MSR1: variants seen among roughly 807,000 people sequenced by gnomAD.
The protein encoded by MSR1 is macrophage scavenger receptor 1.
Under a neutral mutation model 47.2 loss-of-function variants are expected in MSR1, and 53 were observed. The ratio of observed to expected loss-of-function variants is 1.12; its 90% CI spans 0.90 to 1.41. The LOEUF (loss-of-function observed/expected upper bound fraction) is 1.41. MSR1 is among the 40% of genes most tolerant of loss of function. The pLI, the probability that MSR1 is intolerant of heterozygous loss-of-function variation, is 0.00. For synonymous variants in MSR1, 239 were observed against 185.6 expected, an observed-to-expected ratio of 1.29 and a Z score of -2.34; for missense variants, 786 against 546.9, an observed-to-expected ratio of 1.44 and a Z score of -4.36.
intron 9 of MSR1, among the ~76,000 whole-genome samples, chr8:16,113,421 G>A (rs951568167): frequency 6.6e-6 from 1 of 152,060 alleles, no homozygotes; most frequent in African/African-American, 2.4e-5. Context: ...AGATAAATGG[G>A]AGAGCAAATA....
chr8:16,140,420 C>G lies in MSR1; in HGVS notation c.1033+3138G>C, dbSNP rs989922989. On this transcript the variant is annotated intron_variant, in intron 8 of 9. Coordinates refer to ENST00000262101, the MANE Select transcript of MSR1 (RefSeq NM_138715.3). The stretch of plus-strand genomic sequence containing the variant: ...TGAAAAACAAATGGATTTTTCCTAT[C>G]ATTGTATGAGTTTTAGATGGGATAC... The G allele has an allele frequency of 2.5e-5, 25 of 985,464 alleles. No homozygotes were observed. The African/African-American group carries it at 3.7e-4, about 14-fold the overall frequency. The allele number at this position is 985,464 out of a possible 1,614,324, so 61.0% of individuals were successfully genotyped here. A position where few individuals can be genotyped will look rare whatever the true frequency, so the allele number is the denominator to read the frequency against.
chr8:16,190,916 T>A (rs1585206447), intron 1 of MSR1, among the ~76,000 whole-genome samples: 1 of 152,046 alleles, frequency 6.6e-6, no homozygotes, highest in African/African-American at 2.4e-5. Flanking sequence ...AGACAGGGTT[T>A]CTCCATGTTG....
chr8:16,124,990 A>G (rs1163954976), intron 8 of MSR1, among the ~76,000 whole-genome samples: 3 of 152,166 alleles, frequency 2.0e-5, no homozygotes, highest in Non-Finnish European at 4.4e-5. Flanking sequence ...CAGAAAAATC[A>G]TGAAGGAAAG....
chr8:16,183,577 G>T (rs1801901431), intron 1 of MSR1, among the ~76,000 whole-genome samples: 1 of 140,020 alleles, frequency 7.1e-6, no homozygotes, highest in Non-Finnish European at 1.5e-5. Context: ...TTTATATTAT[G>T]TTAATATATT....
At chr8:16,183,529 T>G (rs1801899016) in intron 1 of MSR1, among the ~76,000 whole-genome samples, 1 of 146,190 alleles carries the variant, frequency 6.8e-6, no homozygotes, top group South Asian at 2.1e-4. Flanking sequence ...ATCTATAACA[T>G]GTAATACATA....
intron 8 of MSR1, among the ~76,000 whole-genome samples, chr8:16,125,539 A>T (rs1236305421): frequency 6.6e-6 from 1 of 152,072 alleles, no homozygotes. Flanking sequence ...CTTATGTCCC[A>T]TTTCTTTACA....
intron 1 of MSR1, among the ~76,000 whole-genome samples, chr8:16,191,824 G>A (rs575241883): frequency 1.3e-5 from 2 of 152,256 alleles, no homozygotes; most frequent in Admixed American, 6.5e-5. Context: ...TATATGCTGT[G>A]TGAATCTTAC....
intron 1 of MSR1, among the ~76,000 whole-genome samples, chr8:16,183,740 T>C (rs1308607423): frequency 7.0e-6 from 1 of 143,252 alleles, no homozygotes; most frequent in African/African-American, 2.5e-5. Context: ...ATATAATATA[T>C]AATATAAATA....
At chr8:16,131,488 A>G (rs1378552336) in intron 8 of MSR1, among the ~76,000 whole-genome samples, 2 of 75,256 alleles carry the variant, frequency 2.7e-5, no homozygotes, top group Non-Finnish European at 5.0e-5. Flanking sequence ...CTCTCTAATT[A>G]GGACCCATTT....
chr8:16,154,724 C>T (rs915132636), intron 6 of MSR1, among the ~76,000 whole-genome samples: 17 of 152,072 alleles, frequency 1.1e-4, no homozygotes, highest in African/African-American at 3.4e-4. Context: ...ATATGATCTA[C>T]GGTTAGGTCT....
In MSR1 at chr8:16,177,876, C is replaced by T. The variant is rs1453125867; in HGVS notation, c.103+10G>A. On this transcript the variant is annotated intron_variant, in intron 2 of 9. Coordinates refer to ENST00000262101, the MANE Select transcript of MSR1 (RefSeq NM_138715.3). ...CAACCTCCATGGGCAGCCCATCCCC[C>T]TCTACTTACTCGGAGGAAGCAAAGC... is the stretch of plus-strand genomic sequence containing the variant. 3.7e-6 allele frequency: 6 copies of T among 1,611,854 alleles called. No homozygotes were observed. Among genetic ancestry groups the T allele is most frequent in the Non-Finnish European group, 5.1e-6 (6 of 1,178,112 alleles).
chr8:16,163,373 A>C (rs1367047755), intron 5 of MSR1, among the ~76,000 whole-genome samples: 3 of 151,872 alleles, frequency 2.0e-5, no homozygotes, highest in Non-Finnish European at 4.4e-5. Context: ...ACCAACAGGC[A>C]AAAGGTTGCA....
intron 9 of MSR1, 105 bp downstream of exon 9, chr8:16,120,313 G>A (rs1027867166): frequency 3.4e-6 from 4 of 1,182,334 alleles, no homozygotes; most frequent in Middle Eastern, 1.9e-4. Flanking sequence ...GGAGGCAGAG[G>A]TTGCAGTGAG....
intron 1 of MSR1, among the ~76,000 whole-genome samples, chr8:16,185,735 G>A (rs561525081): frequency 2.6e-5 from 4 of 151,454 alleles, no homozygotes; most frequent in African/African-American, 7.3e-5. Flanking sequence ...ACAATTAAGA[G>A]GAAAATCCAA....
chr8:16,144,187 A>C lies in MSR1; in HGVS notation c.980-576T>G, dbSNP rs1183062318. On this transcript the variant is annotated intron_variant, in intron 7 of 9. Transcript: ENST00000262101. Reference sequence around the variant, plus strand: ...TACAGGGGTGTGGTACAAATATTTCATATGAGGGTCAGGGCTTCAAATGGA... The same window carrying C: ...TACAGGGGTGTGGTACAAATATTTCCTATGAGGGTCAGGGCTTCAAATGGA... Among the ~76,000 whole-genome samples, 3 of 152,058 alleles carry C rather than the reference A, an allele frequency of 2.0e-5. No homozygotes were observed. The South Asian group carries it at 6.2e-4, about 32-fold the overall frequency.
intron 8 of MSR1, among the ~76,000 whole-genome samples, chr8:16,135,830 T>A (rs989801339): frequency 2.0e-5 from 3 of 152,114 alleles, no homozygotes; most frequent in Non-Finnish European, 4.4e-5. Context: ...CATGAATGAC[T>A]GTGAGGGGTT....
chr8:16,151,176 T>C (rs1800848336), intron 6 of MSR1, among the ~76,000 whole-genome samples: 2 of 152,214 alleles, frequency 1.3e-5, no homozygotes, highest in African/African-American at 4.8e-5. Flanking sequence ...TGGCAGAGAA[T>C]GCCATGTTGC....
intron 2 of MSR1, 109 bp downstream of exon 2, chr8:16,177,777 T>C (rs959214052): frequency 2.5e-5 from 21 of 846,476 alleles, no homozygotes; most frequent in Non-Finnish European, 3.7e-5. Context: ...CAAATAAGTA[T>C]TATTTTAACA....
intron 8 of MSR1, among the ~76,000 whole-genome samples, chr8:16,135,042 A>G (rs78398916): frequency 6.6e-6 from 1 of 152,150 alleles, no homozygotes; most frequent in Admixed American, 6.6e-5. Flanking sequence ...CCATAACATA[A>G]AAGTACAAGA....
Sources: gnomAD v4.1 joint callset for allele counts (sites outside exome capture counted in the v4.1 genomes callset) on GRCh38, gnomAD v4.1.1 for gene constraint, MANE v1.5 for transcripts, NCBI Gene and HGNC (gene_info 2026-07-23, HGNC 2026-07-21) for gene names.